SFXN5: variants seen among roughly 807,000 people sequenced by gnomAD.
SFXN5 encodes the protein sideroflexin 5, also known as sideroflexin-5.
A neutral mutation model predicts 50.2 loss-of-function variants in SFXN5; 43 were observed. The ratio of observed to expected loss-of-function variants is 0.86; its 90% confidence interval spans 0.67 to 1.11. The LOEUF is 1.11. Ranked by LOEUF, SFXN5 falls within the 50% of genes least tolerant of loss-of-function variation. The pLI, the probability that SFXN5 is intolerant of heterozygous loss-of-function variation, is 0.00. For synonymous variants in SFXN5, 203 were observed against 185.8 expected, an observed-to-expected ratio of 1.09 and a Z score of -0.75; for missense variants, 463 against 454.1, an observed-to-expected ratio of 1.02 and a Z score of -0.18.
intron 10 of SFXN5, among the ~76,000 whole-genome samples, chr2:72,982,841 G>A (rs1174616132): frequency 2.0e-5 from 3 of 152,228 alleles, no homozygotes; most frequent in African/African-American, 4.8e-5. Context: ...GGGAGGAGAG[G>A]AGGACGGCAG....
intron 3 of SFXN5, among the ~76,000 whole-genome samples, chr2:73,027,951 C>T (rs979680186): frequency 7.9e-5 from 12 of 152,196 alleles, no homozygotes; most frequent in African/African-American, 1.4e-4. Flanking sequence ...CATGAGCCAC[C>T]GTGCCTGGCC....
chr2:72,959,108 C>T (rs1250286105), intron 13 of SFXN5, among the ~76,000 whole-genome samples: 1 of 152,218 alleles, frequency 6.6e-6, no homozygotes, highest in Non-Finnish European at 1.5e-5. Flanking sequence ...CTCCACCTCT[C>T]TTGGGGCCCT....
intron 1 of SFXN5, among the ~76,000 whole-genome samples, chr2:73,064,294 T>A (rs2106059214): frequency 6.6e-6 from 1 of 152,386 alleles, no homozygotes; most frequent in South Asian, 2.1e-4. Context: ...AGCCCAGTAG[T>A]CCTGAATCAG....
At chr2:73,024,071 T>G (rs1454836550) in intron 3 of SFXN5, among the ~76,000 whole-genome samples, 1 of 151,958 alleles carries the variant, frequency 6.6e-6, no homozygotes, top group Non-Finnish European at 1.5e-5. Flanking sequence ...TTTACAGATG[T>G]GATAAAGTAG....
At chr2:72,982,750 G>A (rs1252881722) in intron 10 of SFXN5, among the ~76,000 whole-genome samples, 2 of 152,208 alleles carry the variant, frequency 1.3e-5, no homozygotes, top group Admixed American at 6.5e-5. Flanking sequence ...AGTCGAGGGA[G>A]GGCAGAGGGT....
rs371130253 is a variant in SFXN5 at position 73,064,735 on chromosome 2, C to T, written c.103-6139G>A. ...CCACTAGGCCTTGGTCCCCAGCACA[C>T]TCATACCCCCAGTCATCTCAGCAGA... is the stretch of plus-strand genomic sequence containing the variant. On this transcript the variant is annotated intron_variant, in intron 1 of 13. Transcript: ENST00000272433. Among the ~76,000 whole-genome samples, 9 of 152,336 alleles carry T rather than the reference C, an allele frequency of 5.9e-5. No individual in the cohort carries two copies. In the East Asian group the frequency reaches 1.4e-3, roughly 23 times the overall value.
intron 1 of SFXN5, among the ~76,000 whole-genome samples, chr2:73,062,660 T>G (rs989957288): frequency 2.0e-5 from 3 of 152,080 alleles, no homozygotes; most frequent in African/African-American, 7.2e-5. Flanking sequence ...AGACACCAAA[T>G]GAACAAGCCC....
intron 11 of SFXN5, 71 bp from the exon 12 acceptor site, chr2:72,968,604 C>T: frequency 2.1e-6 from 3 of 1,441,788 alleles, no homozygotes; most frequent in Non-Finnish European, 2.9e-6. Flanking sequence ...CACCCAGAGC[C>T]CTAGGTGTGT....
At chr2:73,020,583 G>T (rs1574138020) in intron 5 of SFXN5, among the ~76,000 whole-genome samples, 1 of 152,266 alleles carries the variant, frequency 6.6e-6, no homozygotes, top group African/African-American at 2.4e-5. Context: ...ATCCTCCTAC[G>T]ATTTCCTGCG....
intron 1 of SFXN5, among the ~76,000 whole-genome samples, chr2:73,062,372 C>T (rs548215828): frequency 2.9e-4 from 44 of 152,186 alleles, no homozygotes; most frequent in African/African-American, 1.0e-3. Context: ...GAAAGGGTAA[C>T]AGTATGGCAG....
intron 13 of SFXN5, among the ~76,000 whole-genome samples, chr2:72,952,677 T>C (rs1230643987): frequency 6.6e-6 from 1 of 152,230 alleles, no homozygotes; most frequent in Non-Finnish European, 1.5e-5. Flanking sequence ...CTCTGTCCTC[T>C]GTCTTCTAAG....
Position 72,973,119 on chromosome 2 carries a change from G to A in SFXN5, c.626-1434C>T, listed in dbSNP as rs973706225. ...CCTGTTTCATTAAAATGGGGAGGTG[G>A]AATAAACAGGGGAAGACCGAGAGAC... On this transcript the variant is annotated intron_variant, in intron 10 of 13. Transcript: ENST00000272433. This position sits in a 1 kb window ranked among gnomAD's most constrained non-coding sequence, Gnocchi z 5.5. 6.6e-6 allele frequency: 1 copy of A among 152,236 alleles called. No individual in the cohort carries two copies. The highest frequency in any genetic ancestry group is 1.5e-5 in the Non-Finnish European group (1 of 68,086). The allele number at this position is 152,236 out of a possible 1,614,324, so 9.4% of individuals were successfully genotyped here. A position where few individuals can be genotyped will look rare whatever the true frequency, so the allele number is the denominator to read the frequency against.
At position 73,058,594 on chromosome 2, in the gene SFXN5, C is replaced by T. The variant is rs775704946; in HGVS notation, c.105G>A (p.Thr35=). The T allele has an allele frequency of 2.5e-6, 4 of 1,614,024 alleles. No homozygotes were observed. Among genetic ancestry groups the T allele is most frequent in the South Asian group, 1.1e-5 (1 of 91,086 alleles). Residue 35 remains threonine (T), a splice_region_variant and synonymous_variant, in exon 2 of 14, where the codon ACG becomes ACA. Coordinates refer to ENST00000272433, the MANE Select transcript of SFXN5 (RefSeq NM_144579.3). The stretch of plus-strand genomic sequence containing the variant: ...AGTGCCTGAAGCGGCCATAGAAGGA[C>T]GTCTGAAGAAGAGGATGAGAGAGAA... ...FQLGKPRFQQ[T]SFYGRFRHFL...
At chr2:72,995,715 G>A (rs1023184106) in intron 9 of SFXN5, among the ~76,000 whole-genome samples, 6 of 152,116 alleles carry the variant, frequency 3.9e-5, no homozygotes, top group Non-Finnish European at 4.4e-5. Flanking sequence ...CCCTGGGAGG[G>A]GATTTGTCAC....
intron 13 of SFXN5, among the ~76,000 whole-genome samples, chr2:72,948,707 G>C (rs981979902): frequency 2.0e-5 from 3 of 152,234 alleles, no homozygotes; most frequent in Admixed American, 6.5e-5. Context: ...GCCACACACA[G>C]GGCAGCAGGT....
intron 9 of SFXN5, among the ~76,000 whole-genome samples, chr2:72,989,359 A>G (rs1672296417): frequency 6.6e-6 from 1 of 152,146 alleles, no homozygotes; most frequent in Admixed American, 6.5e-5. Flanking sequence ...AAGTCATTTC[A>G]TCTTTCTCTG....
chr2:72,977,905 G>A (rs750916861), intron 10 of SFXN5, among the ~76,000 whole-genome samples: 2 of 150,978 alleles, frequency 1.3e-5, no homozygotes, highest in African/African-American at 2.4e-5. Flanking sequence ...ACCAGGAGGC[G>A]GAGACTGCAG....
chr2:72,968,419 G>A, intron 12 of SFXN5, 29 bp downstream of exon 12: 1 of 1,597,964 alleles, frequency 6.3e-7, no homozygotes, highest in African/African-American at 1.3e-5. Context: ...CCCCATGGTG[G>A]CCTCTCCATC....
At position 73,041,678 on chromosome 2, in the gene SFXN5, TAGAA is replaced by T. The variant is rs1384824459; in HGVS notation, c.172-751_172-748del. 10 of 396,944 alleles carry T rather than the reference TAGAA, an allele frequency of 2.5e-5. 1 individual carries two copies. Among genetic ancestry groups the T allele is most frequent in the South Asian group, 3.6e-5 (2 of 55,706 alleles). The allele number at this position is 396,944 out of a possible 1,614,324, so 24.6% of individuals were successfully genotyped here. On this transcript the variant is annotated intron_variant, in intron 2 of 13. Coordinates refer to ENST00000272433, the MANE Select transcript of SFXN5 (RefSeq NM_144579.3). ...AGACTCCATCTAAAAAAGAAAAAAA[TAGAA>T]AGCCTTTATAAGGAGGATTTTTCCT...
Sources: gnomAD v4.1 joint callset for allele counts (sites outside exome capture counted in the v4.1 genomes callset) on GRCh38, gnomAD v4.1.1 for gene constraint, Gnocchi (gnomAD v3.1) non-coding constraint, MANE v1.5 for transcripts, NCBI Gene and HGNC (gene_info 2026-07-23, HGNC 2026-07-21) for gene names.